The following SLC24A2 variants were observed in gnomAD, a reference collection of about 807,000 sequenced individuals.
SLC24A2 encodes sodium/potassium/calcium exchanger 2.
In SLC24A2, 36 loss-of-function variants were observed where a neutral mutation model predicts 62.0. That is an observed-to-expected ratio of 0.58 (90% CI 0.44 to 0.77). The LOEUF (loss-of-function observed/expected upper bound fraction) is 0.77. Ranked by LOEUF, SLC24A2 falls within the 30% of genes least tolerant of loss-of-function variation. The probability of loss-of-function intolerance (pLI) is 0.00; values close to 1 mark genes in which losing one functional copy is unlikely to be tolerated. For synonymous variants in SLC24A2, 358 were observed against 294.0 expected, an observed-to-expected ratio of 1.22 and a Z score of -2.23; for missense variants, 846 against 817.9, an observed-to-expected ratio of 1.03 and a Z score of -0.42.
chr9:20,116,713 T>A, the SLC24A2 span, among the ~76,000 whole-genome samples: 1 of 152,144 alleles, frequency 6.6e-6, no homozygotes, highest in Admixed American at 6.6e-5. Context: ...TGTGTATAAA[T>A]GAGAGAATGG....
At chr9:19,573,590 T>C (rs1835916334) in intron 6 of SLC24A2, 121 bp from the exon 7 acceptor site, 3 of 834,230 alleles carry the variant, frequency 3.6e-6, no homozygotes, top group Non-Finnish European at 6.0e-6. Flanking sequence ...AGAGCAATAT[T>C]GAAAAGAGTT....
At chr9:20,039,902 C>T in the SLC24A2 span, among the ~76,000 whole-genome samples, 2 of 152,206 alleles carry the variant, frequency 1.3e-5, no homozygotes, top group African/African-American at 4.8e-5. Flanking sequence ...TTCATCCATT[C>T]ACTCAGCTTA....
the SLC24A2 span, among the ~76,000 whole-genome samples, chr9:19,979,309 A>G: frequency 2.0e-5 from 3 of 152,176 alleles, no homozygotes; most frequent in Admixed American, 2.0e-4. Flanking sequence ...ACTAATTTCC[A>G]GGTGATGCCA....
the SLC24A2 span, among the ~76,000 whole-genome samples, chr9:19,937,136 C>A: frequency 6.6e-6 from 1 of 152,200 alleles, no homozygotes; most frequent in Non-Finnish European, 1.5e-5. Context: ...CTGGGCCACA[C>A]ATTTGGCTCT....
the SLC24A2 span, among the ~76,000 whole-genome samples, chr9:20,066,612 T>C: frequency 6.6e-6 from 1 of 152,244 alleles, no homozygotes; most frequent in South Asian, 2.1e-4. Context: ...TATTTATCTT[T>C]CTTTGCACAA....
chr9:19,528,426 T>A (rs949018479), intron 8 of SLC24A2, among the ~76,000 whole-genome samples: 1 of 152,216 alleles, frequency 6.6e-6, no homozygotes, highest in African/African-American at 2.4e-5. Context: ...AGATTCCCTC[T>A]GCTCTTGTCC....
the SLC24A2 span, among the ~76,000 whole-genome samples, chr9:20,120,838 G>A: frequency 3.3e-5 from 5 of 151,864 alleles, no homozygotes; most frequent in Admixed American, 3.3e-4. Context: ...CAGGGATCAA[G>A]GTTGGTTATC....
the SLC24A2 span, among the ~76,000 whole-genome samples, chr9:19,797,452 A>T: frequency 6.6e-6 from 1 of 152,170 alleles, no homozygotes; most frequent in African/African-American, 2.4e-5. Flanking sequence ...AATAATTACG[A>T]ATCAGGCATT....
chr9:19,820,005 A>G, the SLC24A2 span, among the ~76,000 whole-genome samples: 2 of 125,264 alleles, frequency 1.6e-5, no homozygotes, highest in East Asian at 2.1e-4. Flanking sequence ...ATATATATAT[A>G]TGTGTATATA....
chr9:20,293,867 A>G, the SLC24A2 span, among the ~76,000 whole-genome samples: 1 of 152,058 alleles, frequency 6.6e-6, no homozygotes, highest in Non-Finnish European at 1.5e-5. Context: ...TTCAGCAGAG[A>G]TCAGTCCATT....
At chr9:19,710,742 G>A (rs561847528) in intron 2 of SLC24A2, among the ~76,000 whole-genome samples, 1 of 152,224 alleles carries the variant, frequency 6.6e-6, no homozygotes, top group East Asian at 1.9e-4. Flanking sequence ...GGTCAAATAT[G>A]GTCTCATGGG....
At chr9:20,019,123 A>G in the SLC24A2 span, among the ~76,000 whole-genome samples, 138 of 64,926 alleles carry the variant, frequency 2.1e-3, no homozygotes, top group East Asian at 0.011. Context: ...GAAAGAAAGA[A>G]AGAAAGAAAG....
the SLC24A2 span, among the ~76,000 whole-genome samples, chr9:20,101,453 T>C: frequency 6.6e-6 from 1 of 152,242 alleles, no homozygotes; most frequent in Admixed American, 6.5e-5. Flanking sequence ...ATCTTTGTTT[T>C]CAGAAGACTT....
intron 2 of SLC24A2, among the ~76,000 whole-genome samples, chr9:19,628,178 G>T (rs1818082667): frequency 6.6e-6 from 1 of 152,094 alleles, no homozygotes; most frequent in Non-Finnish European, 1.5e-5. Flanking sequence ...CAATTAAGAG[G>T]CCTGGGTGAG....
At chr9:20,222,928 T>C in the SLC24A2 span, among the ~76,000 whole-genome samples, 80 of 151,620 alleles carry the variant, frequency 5.3e-4, no homozygotes, top group African/African-American at 1.8e-3. Context: ...ACTTATTAAA[T>C]AAGAAGAAAA....
chr9:19,686,760 C>T (rs1819893349), intron 2 of SLC24A2, among the ~76,000 whole-genome samples: 1 of 152,124 alleles, frequency 6.6e-6, no homozygotes, highest in African/African-American at 2.4e-5. Context: ...TCAATTAAAC[C>T]TCCTTTCTTT....
At chr9:20,225,563 T>TATATATATATTATATATATA in the SLC24A2 span, among the ~76,000 whole-genome samples, 1 of 81,142 alleles carries the variant, frequency 1.2e-5, no homozygotes, top group African/African-American at 6.6e-5. Flanking sequence ...ATATATATTA[T>TATATATATATTATATATATA]ATATATATAT....
chr9:20,263,952 G>A, the SLC24A2 span, among the ~76,000 whole-genome samples: 1 of 145,398 alleles, frequency 6.9e-6, no homozygotes, highest in Non-Finnish European at 1.5e-5. Context: ...CTCTTCCTCA[G>A]AAGTTTGGAT....
At chr9:19,723,502 C>T (rs146490906) in intron 2 of SLC24A2, among the ~76,000 whole-genome samples, 1 of 152,248 alleles carries the variant, frequency 6.6e-6, no homozygotes, top group African/African-American at 2.4e-5. Flanking sequence ...CCGTCTTAAG[C>T]CATAAGCTGT....
Sources: gnomAD v4.1 joint callset for allele counts (sites outside exome capture counted in the v4.1 genomes callset) on GRCh38, gnomAD v4.1.1 for gene constraint, MANE v1.5 for transcripts, NCBI Gene and HGNC (gene_info 2026-07-23, HGNC 2026-07-21) for gene names.